CBR4: variants seen among roughly 807,000 people sequenced by gnomAD.
CBR4 encodes carbonyl reductase 4.
CBR4 carries 22 observed loss-of-function variants against 21.0 expected under a neutral mutation model. The ratio of observed to expected loss-of-function variants is 1.05; its 90% CI spans 0.75 to 1.50. The LOEUF is 1.50. Among genes scored for constraint, CBR4 ranks in the 40% most tolerant of loss-of-function variants. CBR4 has a pLI of 0.00. For synonymous variants in CBR4, 100 were observed against 104.4 expected (o/e 0.96, Z 0.26); for missense variants, 302 against 286.3 (o/e 1.05, Z -0.40).
At chr4:168,914,014 G>A in intron 2 of CBR4, 1 of 1,590,146 alleles carries the variant, frequency 6.3e-7, no homozygotes, top group Non-Finnish European at 8.6e-7. Context: ...CCATCCTCAT[G>A]TCAGAAGGTA....
intron 2 of CBR4, among the ~76,000 whole-genome samples, chr4:168,969,940 A>C (rs372470899): frequency 6.6e-6 from 1 of 152,218 alleles, no homozygotes; most frequent in East Asian, 1.9e-4. Context: ...TATCAGACTT[A>C]TTAATTTTTG....
downstream of CBR4, among the ~76,000 whole-genome samples, chr4:168,987,039 G>C (rs1311173976): frequency 6.6e-6 from 1 of 152,094 alleles, no homozygotes. Flanking sequence ...TTCCAGGGAG[G>C]GGGTCTCCTG....
rs1374554316 is a variant in CBR4 at position 168,949,953 on chromosome 4, T to C, written n.169+52118A>G. ...ATCTTTTGTATTTCCGTGTTGTCAG[T>C]TGTAATATCTCCCATTTCGTTTCTT... is the stretch of plus-strand genomic sequence containing the variant. On this transcript the variant is annotated intron_variant and non_coding_transcript_variant, in intron 2 of 3. Transcript: ENST00000509108. Among the ~76,000 whole-genome samples, 3 of 152,272 alleles carry C rather than the reference T, an allele frequency of 2.0e-5. No homozygotes were observed. The East Asian group carries it at 5.8e-4, about 29-fold the overall frequency.
At chr4:168,962,161 T>C (rs866712353) in intron 2 of CBR4, among the ~76,000 whole-genome samples, 35 of 152,316 alleles carry the variant, frequency 2.3e-4, no homozygotes, top group Middle Eastern at 3.4e-3. Flanking sequence ...ACTATGTATT[T>C]CAAATAAAAT....
At chr4:168,930,779 C>T (rs757435543) in intron 2 of CBR4, among the ~76,000 whole-genome samples, 5 of 152,182 alleles carry the variant, frequency 3.3e-5, no homozygotes, top group Admixed American at 2.0e-4. Context: ...GCTGGGAAAA[C>T]GTAAGCAGAG....
chr4:168,933,999 T>G (rs553327287), intron 2 of CBR4, among the ~76,000 whole-genome samples: 1 of 152,252 alleles, frequency 6.6e-6, no homozygotes, highest in South Asian at 2.1e-4. Context: ...AAACCCTGTG[T>G]GATACAGCAA....
At chr4:168,937,770 A>G (rs545137064) in intron 2 of CBR4, among the ~76,000 whole-genome samples, 2 of 152,330 alleles carry the variant, frequency 1.3e-5, no homozygotes, top group South Asian at 4.1e-4. Flanking sequence ...TAACTATCCT[A>G]AATATATATG....
intron 2 of CBR4, among the ~76,000 whole-genome samples, chr4:168,908,671 G>C (rs760769425): frequency 3.3e-5 from 5 of 152,100 alleles, no homozygotes; most frequent in Non-Finnish European, 5.9e-5. Flanking sequence ...GGGTTTGAAA[G>C]GGAGAATACA....
chr4:168,979,648 C>T (rs1298347664), intron 2 of CBR4, among the ~76,000 whole-genome samples: 1 of 152,162 alleles, frequency 6.6e-6, no homozygotes, highest in African/African-American at 2.4e-5. Context: ...TCGCAGCCAC[C>T]ACAGGGAGAG....
intron 2 of CBR4, among the ~76,000 whole-genome samples, chr4:168,975,061 C>T (rs1422961311): frequency 6.6e-6 from 1 of 152,184 alleles, no homozygotes; most frequent in East Asian, 1.9e-4. Flanking sequence ...ATCTGGGACT[C>T]AATGGCTGCT....
At position 168,981,063 on chromosome 4, in the gene CBR4, A is replaced by G. The variant is rs185711404; in HGVS notation, n.169+21008T>C. On this transcript the variant is annotated intron_variant and non_coding_transcript_variant, in intron 2 of 3. Coordinates refer to the CBR4 transcript ENST00000509108. The stretch of plus-strand genomic sequence containing the variant: ...CCATTCCAAGGAATCTAAGGAATCC[A>G]GTAGAACAATTCAAAAGATAAAAAT... Among the ~76,000 whole-genome samples the G allele has an allele frequency of 6.6e-5, 10 of 152,328 alleles. No individual in the cohort carries two copies. The East Asian group carries it at 1.9e-3, about 29-fold the overall frequency.
intron 2 of CBR4, chr4:168,924,492 A>G (rs1426145281): frequency 3.7e-6 from 5 of 1,362,996 alleles, no homozygotes; most frequent in Non-Finnish European, 5.3e-6. Context: ...TACATTTTAT[A>G]TAGCATGGAA....
chr4:168,920,222 CAG>C (rs1476175621), intron 2 of CBR4, among the ~76,000 whole-genome samples: 2 of 152,210 alleles, frequency 1.3e-5, no homozygotes, highest in Admixed American at 6.5e-5. Context: ...TAGGAGAACA[CAG>C]AGCCTGAGTG....
intron 2 of CBR4, among the ~76,000 whole-genome samples, chr4:168,944,770 A>G (rs1193051702): frequency 6.6e-6 from 1 of 152,068 alleles, no homozygotes; most frequent in Non-Finnish European, 1.5e-5. Context: ...ACATGCCTCT[A>G]AAGTGCAATG....
intron 2 of CBR4, among the ~76,000 whole-genome samples, chr4:168,920,985 T>A (rs1230259099): frequency 6.6e-6 from 1 of 152,196 alleles, no homozygotes; most frequent in Non-Finnish European, 1.5e-5. Context: ...AGCAATTTTT[T>A]AAATCCCATC....
chr4:168,984,129 C>T (rs914943933), downstream of CBR4, among the ~76,000 whole-genome samples: 8 of 152,198 alleles, frequency 5.3e-5, no homozygotes, highest in East Asian at 9.6e-4. Flanking sequence ...TCTCTCTTTA[C>T]AGATGATGTA....
At chr4:168,935,355 C>T (rs2126664943) in intron 2 of CBR4, among the ~76,000 whole-genome samples, 1 of 152,338 alleles carries the variant, frequency 6.6e-6, no homozygotes, top group Admixed American at 6.5e-5. Context: ...AGACACTGAG[C>T]TAGCTGCAGG....
At chr4:169,002,802 T>C (rs958967626) in intron 3 of CBR4, among the ~76,000 whole-genome samples, 34 of 152,060 alleles carry the variant, frequency 2.2e-4, no homozygotes, top group Non-Finnish European at 3.5e-4. Flanking sequence ...AGCAATTCTA[T>C]TAGCACTTTT....
downstream of CBR4, among the ~76,000 whole-genome samples, chr4:168,986,202 G>C (rs910531284): frequency 2.6e-5 from 4 of 152,176 alleles, no homozygotes; most frequent in African/African-American, 9.7e-5. Flanking sequence ...ATGATGTAAA[G>C]TATATGGGAG....
Sources: allele counts gnomAD v4.1 joint callset (sites outside exome capture counted in the v4.1 genomes callset), GRCh38; gene constraint gnomAD v4.1.1; transcripts MANE v1.5; gene names NCBI Gene and HGNC (gene_info 2026-07-23, HGNC 2026-07-21).